Variants in GPHN observed in about 807,000 individuals in gnomAD.
GPHN encodes the protein gephyrin.
A neutral mutation model predicts 95.5 loss-of-function variants in GPHN; 17 were observed. The ratio of observed to expected loss-of-function variants is 0.18; its 90% CI spans 0.12 to 0.27. The LOEUF (loss-of-function observed/expected upper bound fraction) is 0.27. GPHN is among the 10% of genes least tolerant of loss of function. The pLI, the probability that GPHN is intolerant of heterozygous loss-of-function variation, is 1.00. For synonymous variants in GPHN, 320 were observed against 322.5 expected (o/e 0.99, Z 0.08); for missense variants, 660 against 978.1 (o/e 0.67, Z 4.34).
the GPHN span, among the ~76,000 whole-genome samples, chr14:67,731,217 T>C: frequency 3.5e-5 from 5 of 141,732 alleles, no homozygotes; most frequent in African/African-American, 1.1e-4. Context: ...CTTTTTTTTT[T>C]TTTTTTTTTT....
At chr14:67,582,230 G>A in the GPHN span, 2 of 1,613,382 alleles carry the variant, frequency 1.2e-6, no homozygotes, top group South Asian at 2.2e-5. This position sits in a 1 kb window ranked among gnomAD's most constrained non-coding sequence, Gnocchi z 5.0. Context: ...TGTTCAGGAA[G>A]CAGGAGGGTC....
chr14:67,329,385 G>A, the GPHN span, among the ~76,000 whole-genome samples: 6 of 152,260 alleles, frequency 3.9e-5, no homozygotes, highest in Admixed American at 6.5e-5. Flanking sequence ...GGGCTGAGAC[G>A]ATGGAGTTTT....
chr14:67,108,712 GGTGT>G (rs3063159), intron 13 of GPHN, among the ~76,000 whole-genome samples: 7,850 of 131,142 alleles, frequency 0.06, 227 homozygotes, highest in Middle Eastern at 0.075. Context: ...TTCCCTAAGG[GGTGT>G]GTGTGTGTGT....
At chr14:66,666,542 C>G (rs982909047) in intron 1 of GPHN, among the ~76,000 whole-genome samples, 1 of 152,046 alleles carries the variant, frequency 6.6e-6, no homozygotes, top group Non-Finnish European at 1.5e-5. Context: ...ACTTGATTAT[C>G]TCAAGAGATT....
chr14:67,198,157 G>A, the GPHN span: 24 of 1,609,094 alleles, frequency 1.5e-5, no homozygotes, highest in Non-Finnish European at 1.9e-5. Flanking sequence ...TTATGTGCAA[G>A]CGCAATGAAG....
chr14:67,179,684 T>G lies in GPHN; in HGVS notation c.2176+10T>G, dbSNP rs1372445237. ...TGGGCACAGAGTACAGGTTAGTCAT[T>G]CACATCTACAGATATTCCTAGACAC... On this transcript the variant is annotated intron_variant, in intron 22 of 22. Coordinates refer to ENST00000478722, the MANE Select transcript of GPHN (RefSeq NM_020806.5). The G allele has an allele frequency of 7.3e-7, 1 of 1,370,840 alleles. No individual in the cohort carries two copies. Among genetic ancestry groups the G allele is most frequent in the Non-Finnish European group, 1.0e-6 (1 of 957,630 alleles). 84.9% of individuals were successfully genotyped at this position (1,370,840 alleles called of 1,614,324 possible). A position where few individuals can be genotyped will look rare whatever the true frequency, so the allele number is the denominator to read the frequency against.
the GPHN span, among the ~76,000 whole-genome samples, chr14:67,594,218 T>C: frequency 5.3e-5 from 8 of 152,172 alleles, no homozygotes; most frequent in Non-Finnish European, 2.9e-5. Context: ...ACGCAGTAGC[T>C]TGCACCTGTA....
At chr14:66,642,644 G>A (rs1208084985) in intron 1 of GPHN, among the ~76,000 whole-genome samples, 2 of 149,900 alleles carry the variant, frequency 1.3e-5, no homozygotes, top group Non-Finnish European at 2.9e-5. Flanking sequence ...TAGTAAAATT[G>A]TGTTGTTTTG....
chr14:67,692,399 T>C, the GPHN span: 1 of 1,608,966 alleles, frequency 6.2e-7, no homozygotes, highest in Non-Finnish European at 8.5e-7. Flanking sequence ...CATGTTGACC[T>C]CAAGACCCAC....
chr14:66,576,952 C>T (rs1029662323), intron 1 of GPHN, among the ~76,000 whole-genome samples: 8 of 152,122 alleles, frequency 5.3e-5, no homozygotes, highest in Admixed American at 3.3e-4. Context: ...GCCATGTTTT[C>T]CTTTTCTTAA....
chr14:66,989,655 GAAAAA>G (rs34801654), intron 9 of GPHN, among the ~76,000 whole-genome samples: 1 of 111,436 alleles, frequency 9.0e-6, no homozygotes, highest in Non-Finnish European at 2.1e-5. Flanking sequence ...GTCCAATATA[GAAAAA>G]AAAAAAAAAA....
At chr14:66,637,031 TGTAA>T (rs1379363024) in intron 1 of GPHN, among the ~76,000 whole-genome samples, 8 of 152,322 alleles carry the variant, frequency 5.3e-5, no homozygotes, top group African/African-American at 1.9e-4. Flanking sequence ...TAACTGTAGT[TGTAA>T]GTATTTGCCT....
chr14:67,489,228 G>A, the GPHN span, among the ~76,000 whole-genome samples: 2 of 152,150 alleles, frequency 1.3e-5, no homozygotes, highest in African/African-American at 4.8e-5. Context: ...GAGGGTTCAG[G>A]ACATTAAGAG....
At chr14:67,729,528 G>A in the GPHN span, 38 of 769,112 alleles carry the variant, frequency 4.9e-5, no homozygotes, top group East Asian at 9.8e-4. Flanking sequence ...CCGTTGCTTT[G>A]TTAAGGAAAC....
At chr14:66,809,991 C>G (rs569212675) in intron 3 of GPHN, among the ~76,000 whole-genome samples, 5 of 152,070 alleles carry the variant, frequency 3.3e-5, no homozygotes, top group Admixed American at 2.6e-4. Flanking sequence ...GTTCTTGGCT[C>G]TCTTTGAAAA....
the GPHN span, among the ~76,000 whole-genome samples, chr14:67,196,489 TG>T: frequency 1.3e-5 from 2 of 152,220 alleles, no homozygotes; most frequent in African/African-American, 2.4e-5. Context: ...CTTAAAGTGC[TG>T]GGATTATAGG....
chr14:67,584,472 C>T, the GPHN span, among the ~76,000 whole-genome samples: 2 of 152,186 alleles, frequency 1.3e-5, no homozygotes, highest in Admixed American at 6.5e-5. Flanking sequence ...ACTGGTTTGA[C>T]ATGGCATACA....
chr14:67,175,878 TTG>T (rs896449380), intron 21 of GPHN, among the ~76,000 whole-genome samples: 9 of 152,300 alleles, frequency 5.9e-5, no homozygotes, highest in South Asian at 4.1e-4. Context: ...GGCTCTCTGT[TTG>T]TGTGTTATTG....
the GPHN span, chr14:67,198,998 G>A: frequency 1.4e-6 from 1 of 705,512 alleles, no homozygotes; most frequent in Non-Finnish European, 2.6e-6. Context: ...TTCACAGAGG[G>A]GTGACAAGGG....
Sources: allele counts gnomAD v4.1 joint callset (sites outside exome capture counted in the v4.1 genomes callset), GRCh38; gene constraint gnomAD v4.1.1; non-coding constraint Gnocchi (gnomAD v3.1); transcripts MANE v1.5; gene names NCBI Gene and HGNC (gene_info 2026-07-23, HGNC 2026-07-21).